Variants in CORIN observed in about 807,000 individuals in gnomAD.
The protein encoded by CORIN is atrial natriuretic peptide-converting enzyme.
Under a neutral mutation model 125.3 loss-of-function variants are expected in CORIN, and 117 were observed. That is an observed-to-expected ratio of 0.93 (90% CI 0.80 to 1.09). CORIN has a LOEUF of 1.09. Ranked by LOEUF, CORIN falls within the 50% of genes least tolerant of loss-of-function variation. The probability of loss-of-function intolerance (pLI) is 0.00; values close to 1 mark genes in which losing one functional copy is unlikely to be tolerated. For synonymous variants in CORIN, 450 were observed against 466.4 expected, an observed-to-expected ratio of 0.96 and a Z score of 0.45; for missense variants, 1,253 against 1,306.7, an observed-to-expected ratio of 0.96 and a Z score of 0.63.
At chr4:47,603,803 G>A in intron 19 of CORIN, 135 bp from the exon 20 acceptor site, 1 of 963,858 alleles carries the variant, frequency 1.0e-6, no homozygotes, top group Non-Finnish European at 1.5e-6. Flanking sequence ...ATTCATATAA[G>A]TGGCATTTAT....
chr4:47,719,298 G>T (rs1388281945), intron 5 of CORIN, among the ~76,000 whole-genome samples: 1 of 152,064 alleles, frequency 6.6e-6, no homozygotes, highest in Non-Finnish European at 1.5e-5. Context: ...GAGTCCTTGA[G>T]AACAGGGATT....
At chr4:47,697,773 T>C (rs1041012524) in intron 5 of CORIN, among the ~76,000 whole-genome samples, 2 of 151,568 alleles carry the variant, frequency 1.3e-5, no homozygotes, top group Non-Finnish European at 2.9e-5. Context: ...AGAATTCCCA[T>C]GAGGAGAAAG....
In CORIN at chr4:47,600,230, G is replaced by C. The variant is rs1208320842; in HGVS notation, c.2930C>G (p.Thr977Arg). The C allele has an allele frequency of 6.2e-7, 1 of 1,613,136 alleles. No homozygotes were observed. The highest frequency in any genetic ancestry group is 8.5e-7 in the Non-Finnish European group (1 of 1,179,498). The change falls in exon 21 of 22, where the codon ACA (threonine) becomes AGA (arginine). Residue 977 changes from threonine to arginine, a missense_variant. Physicochemically the swap from Thr to Arg is moderately conservative, Grantham distance 71. Coordinates refer to ENST00000273857, the MANE Select transcript of CORIN (RefSeq NM_006587.4). ...GCAACTTACCATGCATGAATCAACT[G>C]TGCCAGACTCATAGCCAGCACATAT... ...RMICAGYESG[T>R]VDSCMGDSGG...
chr4:47,734,429 T>G (rs1425604475), intron 5 of CORIN, among the ~76,000 whole-genome samples: 2 of 152,236 alleles, frequency 1.3e-5, no homozygotes, highest in Non-Finnish European at 2.9e-5. Context: ...CCGTCCCCTT[T>G]GCTAAGTAGG....
At chr4:47,672,752 C>A (rs576668552) in intron 10 of CORIN, among the ~76,000 whole-genome samples, 1 of 152,012 alleles carries the variant, frequency 6.6e-6, no homozygotes, top group Admixed American at 6.5e-5. Flanking sequence ...AGTGTGTTGA[C>A]TTTGTGGCTT....
intron 5 of CORIN, among the ~76,000 whole-genome samples, chr4:47,697,161 A>T (rs1439758623): frequency 1.3e-5 from 2 of 152,148 alleles, no homozygotes; most frequent in African/African-American, 4.8e-5. Context: ...ACTGAGTGTA[A>T]TCTTTCAGCG....
intron 5 of CORIN, among the ~76,000 whole-genome samples, chr4:47,719,183 A>G (rs889512454): frequency 6.6e-6 from 1 of 152,172 alleles, no homozygotes; most frequent in Non-Finnish European, 1.5e-5. Flanking sequence ...TACTTTGGCA[A>G]GTAGTATGAC....
chr4:47,664,586 A>T (rs1724389498), intron 11 of CORIN, among the ~76,000 whole-genome samples: 1 of 152,198 alleles, frequency 6.6e-6, no homozygotes, highest in African/African-American at 2.4e-5. Context: ...AAATGTCAGC[A>T]ATGTCCATCG....
At position 47,642,958 on chromosome 4, in the gene CORIN, A is replaced by G. The variant is rs1170506333; in HGVS notation, c.2068+188T>C. ...ATATAGATATTTCAAATAGAGAAGT[A>G]GCTTCGTGGGGAAATTTTCTGTGAG... On this transcript the variant is annotated intron_variant, in intron 15 of 21. Transcript: ENST00000273857. 7.8e-6 allele frequency: 12 copies of G among 1,535,728 alleles called. No individual in the cohort carries two copies. The South Asian group carries it at 1.4e-4, about 18-fold the overall frequency.
intron 4 of CORIN, among the ~76,000 whole-genome samples, chr4:47,752,622 C>T (rs1234542425): frequency 1.3e-5 from 2 of 152,154 alleles, no homozygotes; most frequent in Non-Finnish European, 2.9e-5. Flanking sequence ...AATGAAAAGC[C>T]TACAGACTGA....
intron 19 of CORIN, among the ~76,000 whole-genome samples, chr4:47,623,097 TATATATATATATATATATATACA>T: frequency 2.1e-5 from 1 of 48,718 alleles, no homozygotes; most frequent in Admixed American, 2.3e-4. Flanking sequence ...TCTCTCTCTC[TATATATATATATATATATATACA>T]CACACACACA....
chr4:47,800,831 C>T (rs1194410857), intron 2 of CORIN, among the ~76,000 whole-genome samples: 1 of 152,172 alleles, frequency 6.6e-6, no homozygotes, highest in Non-Finnish European at 1.5e-5. Flanking sequence ...TTTCTGGGTT[C>T]CTTTCCTTCT....
intron 5 of CORIN, among the ~76,000 whole-genome samples, chr4:47,715,022 AAAG>A: frequency 6.6e-6 from 1 of 152,236 alleles, no homozygotes; most frequent in Non-Finnish European, 1.5e-5. Flanking sequence ...ATAATCTAAA[AAAG>A]AAGCTCTAAG....
At position 47,835,909 on chromosome 4, in the gene CORIN, G is replaced by A. The variant is rs559054918; in HGVS notation, c.63+1978C>T. Reference sequence around the variant, plus strand: ...GATAAGGTTAATAGAGCAATTCTTGGTGTGTCTTTTTAACCCACAGGAAGG... The same window carrying A: ...GATAAGGTTAATAGAGCAATTCTTGATGTGTCTTTTTAACCCACAGGAAGG... On this transcript the variant is annotated intron_variant, in intron 1 of 21. Coordinates refer to ENST00000273857, the MANE Select transcript of CORIN (RefSeq NM_006587.4). Among the ~76,000 whole-genome samples the A allele has an allele frequency of 4.6e-5, 7 of 152,248 alleles. No individual in the cohort carries two copies. The East Asian group carries it at 1.2e-3, about 25-fold the overall frequency.
chr4:47,719,636 A>T (rs900864292), intron 5 of CORIN, among the ~76,000 whole-genome samples: 2 of 152,198 alleles, frequency 1.3e-5, no homozygotes, highest in African/African-American at 4.8e-5. Flanking sequence ...GTTGAGTTTC[A>T]TAGCTAAACA....
rs1242859449 is a variant in CORIN at position 47,661,785 on chromosome 4, T to C, written c.1661A>G (p.Asp554Gly). Residue 554 changes from aspartate to glycine, a missense_variant, in exon 12 of 22, where the codon GAC (aspartate) becomes GGC (glycine). By Grantham distance (94) the Asp-to-Gly change is moderately conservative (BLOSUM62 -1). Transcript: ENST00000273857. ...LGIVGLQWPEDTDCSQFPEEN... is the reference protein window; with the variant it reads ...LGIVGLQWPEGTDCSQFPEEN... ...CTCTGGAAATTGACTGCAATCTGTGTCTTCAGGCCACTGTAGGCCCACAAT... is the reference window on the plus strand; with the variant it reads ...CTCTGGAAATTGACTGCAATCTGTGCCTTCAGGCCACTGTAGGCCCACAAT... 1.9e-6 allele frequency: 3 copies of C among 1,613,710 alleles called. No individual in the cohort carries two copies. The Admixed American group carries it at 5.0e-5, about 27-fold the overall frequency.
intron 3 of CORIN, among the ~76,000 whole-genome samples, chr4:47,772,778 A>G (rs773631425): frequency 2.6e-4 from 40 of 152,300 alleles, no homozygotes; most frequent in Admixed American, 1.1e-3. Flanking sequence ...AGTTTTTGCT[A>G]TTATTATTAT....
intron 12 of CORIN, among the ~76,000 whole-genome samples, chr4:47,654,912 T>C (rs1723901219): frequency 6.6e-6 from 1 of 151,858 alleles, no homozygotes; most frequent in Non-Finnish European, 1.5e-5. Flanking sequence ...GAGACTCCTT[T>C]CTTCTGCTTG....
At chr4:47,791,432 T>C (rs906383534) in intron 2 of CORIN, among the ~76,000 whole-genome samples, 1 of 152,188 alleles carries the variant, frequency 6.6e-6, no homozygotes, top group Non-Finnish European at 1.5e-5. Context: ...ATTTGTACTA[T>C]CTTTTTAAGC....
Sources: allele counts gnomAD v4.1 joint callset (sites outside exome capture counted in the v4.1 genomes callset), GRCh38; gene constraint gnomAD v4.1.1; transcripts MANE v1.5; gene names NCBI Gene and HGNC (gene_info 2026-07-23, HGNC 2026-07-21).